PTGR1: variants seen among roughly 807,000 people sequenced by gnomAD.
The protein encoded by PTGR1 is 15-oxoprostaglandin 13-reductase.
In PTGR1, 23 loss-of-function variants were observed where a neutral mutation model predicts 37.7. The observed-to-expected ratio is 0.61, with a 90% CI of 0.44 to 0.86. The LOEUF is 0.86. PTGR1 is among the 40% of genes least tolerant of loss of function. PTGR1 has a pLI of 0.00. For missense variants in PTGR1, 351 were observed against 394.3 expected (o/e 0.89, Z 0.93); for synonymous variants, 134 against 140.0 (o/e 0.96, Z 0.30).
At chr9:111,569,696 C>T (rs559691667) in intron 9 of PTGR1, among the ~76,000 whole-genome samples, 12 of 152,082 alleles carry the variant, frequency 7.9e-5, no homozygotes, top group Non-Finnish European at 1.6e-4. Context: ...ACCCAGGAGG[C>T]GGAGGTTGCC....
chr9:111,592,986 C>CAAAAAAAAAAAAAAAAAAACAAAAA lies in PTGR1; in HGVS notation c.153-5_153-4insTTTTTGTTTTTTTTTTTTTTTTTTT. On this transcript the variant is annotated splice_polypyrimidine_tract_variant and splice_region_variant and intron_variant, in intron 3 of 9. Transcript: ENST00000407693. ...CTTCAATCTTTTGGCTGCCACTCTGCAAAAAAAAAAAAAAAAAAAAAAAAA... is the reference window on the plus strand; with the variant it reads ...CTTCAATCTTTTGGCTGCCACTCTGCAAAAAAAAAAAAAAAAAAACAAAAAAAAAAAAAAAAAAAAAAAAAAAAAA... 1 of 956,900 alleles carries CAAAAAAAAAAAAAAAAAAACAAAAA rather than the reference C, an allele frequency of 1.0e-6. No homozygotes were observed. Among genetic ancestry groups the CAAAAAAAAAAAAAAAAAAACAAAAA allele is most frequent in the East Asian group, 5.1e-5 (1 of 19,748 alleles). 59.3% of individuals were successfully genotyped at this position (956,900 alleles called of 1,614,324 possible).
downstream of PTGR1, among the ~76,000 whole-genome samples, chr9:111,560,551 G>A (rs377244270): frequency 1.3e-4 from 19 of 142,060 alleles, no homozygotes; most frequent in East Asian, 1.1e-3. Context: ...TGAGGCAGGA[G>A]AATTGCTTGA....
chr9:111,562,449 T>C (rs972172678), downstream of PTGR1: 1 of 152,028 alleles, frequency 6.6e-6, no homozygotes, highest in Non-Finnish European at 1.5e-5. Flanking sequence ...CTAATTTTTG[T>C]ATTTTCAGTA....
chr9:111,573,583 G>C (rs1372073873), intron 8 of PTGR1, among the ~76,000 whole-genome samples: 4 of 150,486 alleles, frequency 2.7e-5, no homozygotes, highest in Admixed American at 6.6e-5. Context: ...CTCCTTTTTT[G>C]GGGGGGGACC....
At chr9:111,569,365 C>A (rs1295642669) in intron 9 of PTGR1, among the ~76,000 whole-genome samples, 1 of 152,080 alleles carries the variant, frequency 6.6e-6, no homozygotes, top group African/African-American at 2.4e-5. Flanking sequence ...TTAAGGGAAG[C>A]CAAGGGAAGA....
intron 2 of PTGR1, among the ~76,000 whole-genome samples, 199 bp from the exon 3 acceptor site, chr9:111,594,466 G>A (rs192920236): frequency 3.5e-4 from 53 of 150,090 alleles, no homozygotes; most frequent in African/African-American, 1.3e-3. Flanking sequence ...CATATAACAA[G>A]CCTGCATATG....
At chr9:111,564,846 G>A (rs1212899792) in intron 9 of PTGR1, among the ~76,000 whole-genome samples, 1 of 151,994 alleles carries the variant, frequency 6.6e-6, no homozygotes. Flanking sequence ...TTAAGAGGCC[G>A]GGCGCAGTGG....
At chr9:111,575,710 T>C (rs551675706) in intron 7 of PTGR1, among the ~76,000 whole-genome samples, 72 of 152,320 alleles carry the variant, frequency 4.7e-4, no homozygotes, top group African/African-American at 1.3e-3. Context: ...AATAATGCAA[T>C]TGGGCCTCTT....
intron 2 of PTGR1, among the ~76,000 whole-genome samples, chr9:111,595,408 C>A (rs778499031): frequency 3.3e-5 from 5 of 152,142 alleles, no homozygotes; most frequent in Non-Finnish European, 7.4e-5. Context: ...ACATTTAAAC[C>A]ATTATGTTAC....
chr9:111,572,818 A>G (rs1828887314), intron 8 of PTGR1, among the ~76,000 whole-genome samples: 1 of 151,906 alleles, frequency 6.6e-6, no homozygotes, highest in African/African-American at 2.4e-5. Context: ...TCTGGGAAAC[A>G]GAGCAAGACC....
chr9:111,573,584 G>T (rs10122818), intron 8 of PTGR1, among the ~76,000 whole-genome samples: 7 of 150,978 alleles, frequency 4.6e-5, no homozygotes, highest in Admixed American at 2.0e-4. Flanking sequence ...TCCTTTTTTG[G>T]GGGGGGACCA....
At chr9:111,582,952 G>C (rs1829325187) in intron 6 of PTGR1, among the ~76,000 whole-genome samples, 1 of 152,248 alleles carries the variant, frequency 6.6e-6, no homozygotes, top group Non-Finnish European at 1.5e-5. Flanking sequence ...CCCACCATCA[G>C]ATTGGATCCC....
intron 6 of PTGR1, among the ~76,000 whole-genome samples, chr9:111,582,422 C>A (rs570488248): frequency 5.3e-5 from 8 of 152,246 alleles, no homozygotes; most frequent in Middle Eastern, 3.4e-3. Flanking sequence ...ACAATCCAAG[C>A]CTAGCTAAAT....
chr9:111,568,329 T>C (rs1283494888), intron 9 of PTGR1, among the ~76,000 whole-genome samples: 1 of 152,122 alleles, frequency 6.6e-6, no homozygotes, highest in African/African-American at 2.4e-5. Flanking sequence ...GTCTTATGCA[T>C]TTGAGATAAG....
At chr9:111,579,056 T>C in intron 6 of PTGR1, 105 bp from the exon 7 acceptor site, 9 of 1,126,274 alleles carry the variant, frequency 8.0e-6, no homozygotes, top group South Asian at 1.8e-5. Context: ...AACACTCTCT[T>C]AGGTGCTGAG....
At chr9:111,563,499 C>G in intron 9 of PTGR1, 1 of 264,392 alleles carries the variant, frequency 3.8e-6, no homozygotes, top group Non-Finnish European at 7.0e-6. Context: ...TAAGCAATCT[C>G]TTTTTCTTTC....
At chr9:111,598,365 A>C (rs1470287413) in intron 1 of PTGR1, among the ~76,000 whole-genome samples, 1 of 152,046 alleles carries the variant, frequency 6.6e-6, no homozygotes, top group African/African-American at 2.4e-5. Flanking sequence ...GCTGCCAGTG[A>C]TCTCCCCAGC....
At chr9:111,583,372 A>T in intron 6 of PTGR1, 100 bp downstream of exon 6, 1 of 956,824 alleles carries the variant, frequency 1.0e-6, no homozygotes, top group South Asian at 1.5e-5. Flanking sequence ...GAAGACAACT[A>T]GACTATAAAC....
intron 4 of PTGR1, chr9:111,589,381 G>C: frequency 1.1e-6 from 1 of 889,894 alleles, no homozygotes; most frequent in South Asian, 5.2e-5. Flanking sequence ...TATAATAACT[G>C]GCTAGTCATT....
Sources: allele counts gnomAD v4.1 joint callset (sites outside exome capture counted in the v4.1 genomes callset), GRCh38; gene constraint gnomAD v4.1.1; transcripts MANE v1.5; gene names NCBI Gene and HGNC (gene_info 2026-07-23, HGNC 2026-07-21).